WWOX: variants seen among roughly 807,000 people sequenced by gnomAD.
WWOX encodes the protein WW domain containing oxidoreductase.
In WWOX, 69 loss-of-function variants were observed where a neutral mutation model predicts 46.2. That is an observed-to-expected ratio of 1.49 (90% CI 1.23 to 1.82). The LOEUF (loss-of-function observed/expected upper bound fraction) is 1.82. Among genes scored for constraint, WWOX ranks in the 40% most tolerant of loss-of-function variants. The probability of loss-of-function intolerance (pLI) is 0.00; values close to 1 mark genes in which losing one functional copy is unlikely to be tolerated. For synonymous variants in WWOX, 359 were observed against 202.6 expected, an observed-to-expected ratio of 1.77 and a Z score of -6.56; for missense variants, 919 against 542.6, an observed-to-expected ratio of 1.69 and a Z score of -6.89.
chr16:78,961,846 A>G (rs2046276853), intron 8 of WWOX, among the ~76,000 whole-genome samples: 1 of 152,144 alleles, frequency 6.6e-6, no homozygotes. Context: ...TACATCTTCC[A>G]TGAAGTTGAT....
intron 8 of WWOX, among the ~76,000 whole-genome samples, chr16:78,827,571 G>T (rs1011356990): frequency 3.9e-5 from 6 of 152,062 alleles, no homozygotes; most frequent in African/African-American, 1.4e-4. Flanking sequence ...GGTAGCTCAT[G>T]CCTGTAATCC....
chr16:79,018,860 G>T (rs1198925620), intron 8 of WWOX, among the ~76,000 whole-genome samples: 1 of 152,050 alleles, frequency 6.6e-6, no homozygotes, highest in Non-Finnish European at 1.5e-5. Context: ...TATACAAATT[G>T]AATGTTAGGG....
rs543154053 is a variant in WWOX, at chr16:78,108,476, G to C, written c.161G>C (p.Arg54Pro). ...WEHPKTGKRK[R>P]VAGDLPYGWE... ...CATCCAAAAACTGGAAAAAGAAAAC[G>C]AGTGGCAGGAGGTTTGTATGTTGTT... The change falls in exon 2 of 9, where the codon CGA (arginine) becomes CCA (proline). Residue 54 changes from arginine to proline, a missense_variant. Arg to Pro is a moderately radical substitution (Grantham distance 103, BLOSUM62 -2). Transcript: ENST00000566780. 1.2e-6 allele frequency: 2 copies of C among 1,613,654 alleles called. No individual in the cohort carries two copies. Among genetic ancestry groups the C allele is most frequent in the Non-Finnish European group, 1.7e-6 (2 of 1,179,768 alleles).
At chr16:79,054,175 T>C (rs1196075891) in intron 8 of WWOX, among the ~76,000 whole-genome samples, 3 of 152,228 alleles carry the variant, frequency 2.0e-5, no homozygotes, top group African/African-American at 7.2e-5. Context: ...GAGCTGCATG[T>C]ACCAATATAT....
intron 8 of WWOX, among the ~76,000 whole-genome samples, chr16:78,626,307 G>T (rs1461130293): frequency 5.3e-5 from 8 of 151,912 alleles, no homozygotes. Flanking sequence ...ATTTTTGCAG[G>T]ATACCACATT....
chr16:78,104,235 C>CACACACACACACACAT (rs916635284), intron 1 of WWOX, among the ~76,000 whole-genome samples: 3 of 129,594 alleles, frequency 2.3e-5, no homozygotes, highest in African/African-American at 1.1e-4. Context: ...GCTCAAAACA[C>CACACACACACACACAT]ACACACACAC....
intron 5 of WWOX, among the ~76,000 whole-genome samples, chr16:78,330,670 T>C (rs767730287): frequency 6.6e-6 from 1 of 152,192 alleles, no homozygotes; most frequent in Non-Finnish European, 1.5e-5. Context: ...GCTGGGATTA[T>C]AGGCGTGAAC....
At chr16:78,453,177 A>G (rs1032699695) in intron 8 of WWOX, among the ~76,000 whole-genome samples, 3 of 152,146 alleles carry the variant, frequency 2.0e-5, no homozygotes, top group African/African-American at 7.2e-5. Flanking sequence ...TAATCCTAGC[A>G]CTTTGGGAGG....
At chr16:79,174,477 C>T (rs1597445923) in intron 8 of WWOX, among the ~76,000 whole-genome samples, 1 of 152,070 alleles carries the variant, frequency 6.6e-6, no homozygotes, top group Non-Finnish European at 1.5e-5. Flanking sequence ...AGTGAAACCC[C>T]GTCTCTACTA....
chr16:78,670,980 C>T (rs762355622), intron 8 of WWOX, among the ~76,000 whole-genome samples: 4 of 151,602 alleles, frequency 2.6e-5, no homozygotes, highest in African/African-American at 4.9e-5. Flanking sequence ...TGGAGTGGTG[C>T]CATCTACCAG....
chr16:78,556,346 T>C (rs2044296777), intron 8 of WWOX, among the ~76,000 whole-genome samples: 1 of 151,230 alleles, frequency 6.6e-6, no homozygotes, highest in African/African-American at 2.4e-5. Context: ...GCTGTCAGGA[T>C]CTGGTTCAAG....
chr16:78,403,374 T>C (rs2082457684), intron 6 of WWOX, among the ~76,000 whole-genome samples: 1 of 152,212 alleles, frequency 6.6e-6, no homozygotes, highest in Non-Finnish European at 1.5e-5. Flanking sequence ...TATTAAAAAA[T>C]TAATGTTCCC....
intron 8 of WWOX, among the ~76,000 whole-genome samples, chr16:79,104,207 C>G (rs1447920235): frequency 1.3e-5 from 2 of 152,024 alleles, no homozygotes; most frequent in Admixed American, 1.3e-4. Context: ...TTGAAATATC[C>G]TAACATTGAA....
chr16:78,444,475 G>T (rs1808582615), intron 8 of WWOX, among the ~76,000 whole-genome samples: 1 of 151,536 alleles, frequency 6.6e-6, no homozygotes, highest in African/African-American at 2.4e-5. Flanking sequence ...TTAAGAGAAT[G>T]GATATTTTCA....
At chr16:78,780,135 C>G (rs1015461585) in intron 8 of WWOX, among the ~76,000 whole-genome samples, 1 of 152,172 alleles carries the variant, frequency 6.6e-6, no homozygotes, top group South Asian at 2.1e-4. Context: ...TCCTACACAA[C>G]TTGGGGTAAT....
intron 8 of WWOX, among the ~76,000 whole-genome samples, chr16:78,718,097 A>ATTTTTTTTTTATTT (rs2048610694): frequency 2.9e-5 from 2 of 68,264 alleles, no homozygotes; most frequent in African/African-American, 7.0e-5. Context: ...TGGTGGTTGT[A>ATTTTTTTTTTATTT]TTTTTGCCTC....
chr16:78,420,651 A>ATGG (rs75985674), intron 6 of WWOX, among the ~76,000 whole-genome samples: 3,861 of 139,126 alleles, frequency 0.028, 215 homozygotes, highest in African/African-American at 0.1. Flanking sequence ...GTGATTGCTA[A>ATGG]TTTTTTTTTT....
At chr16:78,764,470 T>C (rs7198511) in intron 8 of WWOX, among the ~76,000 whole-genome samples, 114,276 of 147,502 alleles carry the variant, frequency 0.77, 44,665 homozygotes, top group Non-Finnish European at 0.81. Context: ...TTTGTAAAAT[T>C]AAGACTGTTT....
chr16:78,390,674 G>A (rs563006993), intron 6 of WWOX, among the ~76,000 whole-genome samples: 1 of 152,218 alleles, frequency 6.6e-6, no homozygotes, highest in African/African-American at 2.4e-5. Context: ...CAGGTCTTTC[G>A]ATTCTGACAA....
Sources: allele counts gnomAD v4.1 joint callset (sites outside exome capture counted in the v4.1 genomes callset), GRCh38; gene constraint gnomAD v4.1.1; transcripts MANE v1.5; gene names NCBI Gene and HGNC (gene_info 2026-07-23, HGNC 2026-07-21).